DOCK4: variants seen among roughly 807,000 people sequenced by gnomAD.
DOCK4 encodes the protein dedicator of cytokinesis protein 4.
In DOCK4, 97 loss-of-function variants were observed where a neutral mutation model predicts 268.1. The ratio of observed to expected loss-of-function variants is 0.36; its 90% CI spans 0.31 to 0.43. DOCK4 has a LOEUF of 0.43. Among genes scored for constraint, DOCK4 ranks in the 20% least tolerant of loss-of-function variants. The pLI is 1.00. For missense variants in DOCK4, 2,145 were observed against 2,455.7 expected (o/e 0.87, Z 2.67); for synonymous variants, 954 against 887.2 (o/e 1.08, Z -1.34).
chr7:111,729,962 G>A (rs1430754038), intron 52 of DOCK4, among the ~76,000 whole-genome samples: 2 of 152,178 alleles, frequency 1.3e-5, no homozygotes, highest in Non-Finnish European at 2.9e-5. Context: ...CCAGAATTCT[G>A]GCAGTTCATA....
chr7:112,191,340 A>G (rs1819934852), intron 1 of DOCK4, among the ~76,000 whole-genome samples: 1 of 152,058 alleles, frequency 6.6e-6, no homozygotes, highest in Non-Finnish European at 1.5e-5. Flanking sequence ...CACGTCACTC[A>G]GCACTGTTTG....
intron 1 of DOCK4, among the ~76,000 whole-genome samples, chr7:112,061,738 G>GAC (rs1806413478): frequency 8.6e-5 from 7 of 81,562 alleles, no homozygotes; most frequent in Non-Finnish European, 1.4e-4. Context: ...TATTAACAAT[G>GAC]TCACACACAC....
At chr7:111,737,031 G>C (rs1293680504) in intron 49 of DOCK4, 42 bp from the exon 50 acceptor site, 1 of 1,541,220 alleles carries the variant, frequency 6.5e-7, no homozygotes, top group African/African-American at 1.4e-5. Flanking sequence ...GTGATATACG[G>C]GCATGTGAAA....
At chr7:111,985,035 G>T (rs1183739636) in intron 6 of DOCK4, among the ~76,000 whole-genome samples, 1 of 152,128 alleles carries the variant, frequency 6.6e-6, no homozygotes, top group African/African-American at 2.4e-5. Flanking sequence ...TTGCTGTGCT[G>T]AGAAGTATTC....
At chr7:112,176,938 C>G (rs1328452842) in intron 1 of DOCK4, among the ~76,000 whole-genome samples, 1 of 152,170 alleles carries the variant, frequency 6.6e-6, no homozygotes. Context: ...TTTTCAAGAT[C>G]TTGGCCATGG....
chr7:111,726,692 A>G lies in DOCK4; in HGVS notation c.*1582T>C, dbSNP rs1273910535. The G allele has an allele frequency of 6.5e-6, 1 of 152,676 alleles. No individual in the cohort carries two copies. Among genetic ancestry groups the G allele is most frequent in the Non-Finnish European group, 1.5e-5 (1 of 68,042 alleles). 9.5% of individuals were successfully genotyped at this position (152,676 alleles called of 1,614,324 possible). On this transcript the variant is annotated 3_prime_UTR_variant, in exon 53 of 53. Transcript: ENST00000428084. ...AATTGTTAAAAGCACATATGTACAA[A>G]TATTCTTTTTCCATACGTAAAGTAT...
Position 112,068,915 on chromosome 7 carries a change from C to A in DOCK4, c.38-64784G>T, listed in dbSNP as rs1317201211. Among the ~76,000 whole-genome samples the A allele has an allele frequency of 2.0e-5, 3 of 152,022 alleles. No homozygotes were observed. In the South Asian group the frequency reaches 6.2e-4, roughly 32 times the overall value. On this transcript the variant is annotated intron_variant, in intron 1 of 52. Coordinates refer to ENST00000428084, the MANE Select transcript of DOCK4 (RefSeq NM_001363540.2). The stretch of plus-strand genomic sequence containing the variant: ...TTTTAATGAGTTAACATGAAAATAA[C>A]CAGCTGAAACATTTAAAAACAACAA...
chr7:111,807,473 CT>C lies in DOCK4; in HGVS notation c.3166+1347del, dbSNP rs111659073. ...GAAGGTTGTTTTCAAGATGATAACT[CT>C]TTTTTTTTTTTTTTTGAGTCAGAGT... is the stretch of plus-strand genomic sequence containing the variant. On this transcript the variant is annotated intron_variant, in intron 30 of 52. Transcript: ENST00000428084. 1,119 of 140,138 alleles carry C rather than the reference CT, an allele frequency of 8.0e-3. 4 individuals are homozygous for C. The highest frequency in any genetic ancestry group is 0.02 in the African/African-American group (781 of 38,774). The allele number at this position is 140,138 out of a possible 1,614,324, so 8.7% of individuals were successfully genotyped here.
rs1373531726 is a variant in DOCK4 at position 111,782,929 on chromosome 7, A to T, written c.3525-5T>A. ...TCTCCCATTTTCATGCAGTCCCTAA[A>T]AACAAAAAGCAATAGTCAGAACTCA... is the stretch of plus-strand genomic sequence containing the variant. On this transcript the variant is annotated splice_polypyrimidine_tract_variant and splice_region_variant and intron_variant, in intron 34 of 52. Coordinates refer to ENST00000428084, the MANE Select transcript of DOCK4 (RefSeq NM_001363540.2). 6.2e-7 allele frequency: 1 copy of T among 1,613,236 alleles called. No homozygotes were observed. The highest frequency in any genetic ancestry group is 1.1e-5 in the South Asian group (1 of 91,054).
At chr7:111,926,604 C>T (rs558368565) in intron 12 of DOCK4, among the ~76,000 whole-genome samples, 2 of 148,532 alleles carry the variant, frequency 1.3e-5, no homozygotes, top group Admixed American at 6.7e-5. Context: ...GGGCAGATCA[C>T]GAGGTCAGGA....
chr7:112,085,023 A>G (rs1051163559), intron 1 of DOCK4, among the ~76,000 whole-genome samples: 3 of 152,142 alleles, frequency 2.0e-5, no homozygotes, highest in African/African-American at 4.8e-5. Flanking sequence ...GTCTGACTTC[A>G]GAACAGTGCT....
chr7:112,163,293 TC>T (rs1248398163), intron 1 of DOCK4, among the ~76,000 whole-genome samples: 1 of 151,146 alleles, frequency 6.6e-6, no homozygotes. Context: ...CCCCATTTTC[TC>T]CCTTCCTCTG....
intron 1 of DOCK4, among the ~76,000 whole-genome samples, chr7:112,038,034 G>T (rs1316498222): frequency 6.6e-6 from 1 of 152,052 alleles, no homozygotes; most frequent in African/African-American, 2.4e-5. Context: ...TAAATGTAAA[G>T]GTTTAAACTT....
At chr7:112,148,993 G>A (rs1428718631) in intron 1 of DOCK4, among the ~76,000 whole-genome samples, 7 of 152,136 alleles carry the variant, frequency 4.6e-5, no homozygotes, top group African/African-American at 1.2e-4. Context: ...CACTGAGCAC[G>A]CTGCTCCCTC....
chr7:112,163,288 T>G (rs555821742), intron 1 of DOCK4, among the ~76,000 whole-genome samples: 1 of 151,272 alleles, frequency 6.6e-6, no homozygotes, highest in African/African-American at 2.4e-5. Flanking sequence ...CCCCTCCCCA[T>G]TTTCTCCCTT....
At chr7:111,757,177 G>A (rs909463553) in intron 41 of DOCK4, among the ~76,000 whole-genome samples, 2 of 152,102 alleles carry the variant, frequency 1.3e-5, no homozygotes, top group Non-Finnish European at 2.9e-5. Context: ...CTGGAGGGCA[G>A]TTTGGAGCCA....
chr7:111,937,273 C>A (rs1038447421), intron 11 of DOCK4, among the ~76,000 whole-genome samples: 3 of 152,148 alleles, frequency 2.0e-5, no homozygotes, highest in African/African-American at 7.2e-5. Flanking sequence ...GGCACTTTCC[C>A]ATGTTTGACT....
At chr7:112,009,096 A>G (rs1270041185) in intron 1 of DOCK4, among the ~76,000 whole-genome samples, 1 of 152,376 alleles carries the variant, frequency 6.6e-6, no homozygotes, top group East Asian at 1.9e-4. Flanking sequence ...AATATTCAAA[A>G]TGATTCTACT....
intron 13 of DOCK4, among the ~76,000 whole-genome samples, chr7:111,910,573 C>T (rs1792013617): frequency 6.6e-6 from 1 of 152,188 alleles, no homozygotes; most frequent in African/African-American, 2.4e-5. Context: ...AGTTAAGTAA[C>T]ATATATGGTT....
Sources: gnomAD v4.1 joint callset for allele counts (sites outside exome capture counted in the v4.1 genomes callset) on GRCh38, gnomAD v4.1.1 for gene constraint, MANE v1.5 for transcripts, NCBI Gene and HGNC (gene_info 2026-07-23, HGNC 2026-07-21) for gene names.